UBASH3B: variants seen among roughly 807,000 people sequenced by gnomAD.
UBASH3B encodes ubiquitin-associated and SH3 domain-containing protein B.
Under a neutral mutation model 83.4 loss-of-function variants are expected in UBASH3B, and 37 were observed. The observed-to-expected ratio is 0.44, with a 90% CI of 0.34 to 0.58. UBASH3B has a LOEUF of 0.58. Ranked by LOEUF, UBASH3B falls within the 20% of genes least tolerant of loss-of-function variation. UBASH3B has a pLI of 0.01. For synonymous variants in UBASH3B, 304 were observed against 318.3 expected (o/e 0.96, Z 0.48); for missense variants, 657 against 827.2 (o/e 0.79, Z 2.52).
intron 1 of UBASH3B, among the ~76,000 whole-genome samples, chr11:122,682,509 A>G (rs1196351927): frequency 6.6e-6 from 1 of 152,116 alleles, no homozygotes; most frequent in East Asian, 1.9e-4. Context: ...CCGAGTTTGT[A>G]TCTTTCCCTG....
At chr11:122,665,142 G>A (rs1310062068) in intron 1 of UBASH3B, among the ~76,000 whole-genome samples, 2 of 152,148 alleles carry the variant, frequency 1.3e-5, no homozygotes, top group African/African-American at 4.8e-5. Flanking sequence ...TCCTGACCTA[G>A]GCCTGCCTTT....
chr11:122,729,156 A>G (rs1416534913), intron 1 of UBASH3B, among the ~76,000 whole-genome samples: 2 of 152,214 alleles, frequency 1.3e-5, no homozygotes, highest in Non-Finnish European at 2.9e-5. Context: ...GAGGCTCTGG[A>G]CAGTGGCTCT....
chr11:122,752,500 G>A (rs1310287782), intron 1 of UBASH3B, among the ~76,000 whole-genome samples: 1 of 152,186 alleles, frequency 6.6e-6, no homozygotes, highest in Admixed American at 6.5e-5. Context: ...CAGGAATAAG[G>A]CTTCTCGCCT....
intron 1 of UBASH3B, among the ~76,000 whole-genome samples, chr11:122,658,530 A>T (rs563291783): frequency 6.6e-6 from 1 of 152,264 alleles, no homozygotes; most frequent in South Asian, 2.1e-4. Context: ...TTATATCTTT[A>T]TTACCCATTT....
At chr11:122,736,716 A>G (rs1002057376) in intron 1 of UBASH3B, among the ~76,000 whole-genome samples, 1 of 152,052 alleles carries the variant, frequency 6.6e-6, no homozygotes, top group Non-Finnish European at 1.5e-5. Flanking sequence ...ATGCTGGGAA[A>G]GAAATGCAGG....
chr11:122,771,660 A>C (rs1860646011), intron 1 of UBASH3B, among the ~76,000 whole-genome samples: 1 of 151,580 alleles, frequency 6.6e-6, no homozygotes, highest in Admixed American at 6.6e-5. Flanking sequence ...GTGGGCCAAC[A>C]AAAATACCAA....
chr11:122,713,153 C>G (rs1320399244), intron 1 of UBASH3B, among the ~76,000 whole-genome samples: 1 of 151,904 alleles, frequency 6.6e-6, no homozygotes, highest in Non-Finnish European at 1.5e-5. Context: ...GTGATCCGCC[C>G]ACTTCGGCCT....
chr11:122,738,299 A>G (rs1860967290), intron 1 of UBASH3B, among the ~76,000 whole-genome samples: 1 of 152,230 alleles, frequency 6.6e-6, no homozygotes, highest in South Asian at 2.1e-4. Context: ...ATGAATAACT[A>G]TTAGGGACTT....
chr11:122,683,043 G>C (rs1167199004), intron 1 of UBASH3B, among the ~76,000 whole-genome samples: 1 of 151,898 alleles, frequency 6.6e-6, no homozygotes, highest in African/African-American at 2.4e-5. Flanking sequence ...CCCAGGAGTT[G>C]GTCTTGCGGC....
chr11:122,773,338 G>C (rs1370887481), intron 1 of UBASH3B, among the ~76,000 whole-genome samples: 1 of 152,212 alleles, frequency 6.6e-6, no homozygotes, highest in Non-Finnish European at 1.5e-5. Context: ...AGCCCAAATC[G>C]ATGCCAGCCT....
intron 1 of UBASH3B, among the ~76,000 whole-genome samples, chr11:122,664,151 C>G (rs868026435): frequency 6.6e-6 from 1 of 152,158 alleles, no homozygotes; most frequent in East Asian, 1.9e-4. Flanking sequence ...GCATTCTGCT[C>G]TCTGTGCTTC....
rs1030421683 is a variant in UBASH3B at position 122,759,033 on chromosome 11, A to G, written c.162-17186A>G. ...GTTTCTGTAGGTCAGGAGCCCAGGC[A>G]TGGCTTGACTGGGTTCTCTGCTCAG... On this transcript the variant is annotated intron_variant, in intron 1 of 13. Coordinates refer to ENST00000284273, the MANE Select transcript of UBASH3B (RefSeq NM_032873.5). This position sits in a 1 kb window ranked among gnomAD's most constrained non-coding sequence, Gnocchi z 4.1. 1.3e-5 allele frequency among the ~76,000 whole-genome samples: 2 copies of G among 152,218 alleles called. No homozygotes were observed. Among genetic ancestry groups the G allele is most frequent in the African/African-American group, 4.8e-5 (2 of 41,462 alleles).
At chr11:122,690,197 T>TCC (rs1326877376) in intron 1 of UBASH3B, among the ~76,000 whole-genome samples, 11 of 25,642 alleles carry the variant, frequency 4.3e-4, no homozygotes, top group East Asian at 2.9e-3. Context: ...TATATATATA[T>TCC]ATATATATAT....
intron 1 of UBASH3B, among the ~76,000 whole-genome samples, chr11:122,666,052 G>T (rs1414533223): frequency 6.6e-6 from 1 of 152,224 alleles, no homozygotes; most frequent in African/African-American, 2.4e-5. Flanking sequence ...GAAGCTGAAA[G>T]AACCACCGCT....
chr11:122,785,254 G>A (rs755420919), intron 5 of UBASH3B, among the ~76,000 whole-genome samples: 4 of 152,130 alleles, frequency 2.6e-5, no homozygotes, highest in African/African-American at 4.8e-5. Context: ...ATTACCGTTC[G>A]TTCTGATAAA....
chr11:122,787,442 C>T (rs889048807), intron 5 of UBASH3B, among the ~76,000 whole-genome samples: 8 of 152,164 alleles, frequency 5.3e-5, no homozygotes, highest in Admixed American at 2.0e-4. Flanking sequence ...AAAGGAAAAT[C>T]GGAAATGCAG....
chr11:122,722,126 A>G (rs1860649248), intron 1 of UBASH3B, among the ~76,000 whole-genome samples: 1 of 152,242 alleles, frequency 6.6e-6, no homozygotes, highest in South Asian at 2.1e-4. Context: ...AGCTTCCTGC[A>G]GTAGACAAGT....
chr11:122,682,889 A>T (rs1304209238), intron 1 of UBASH3B, among the ~76,000 whole-genome samples: 1 of 152,240 alleles, frequency 6.6e-6, no homozygotes, highest in African/African-American at 2.4e-5. Flanking sequence ...GCGTCAAGCA[A>T]TTCATCCTTG....
intron 1 of UBASH3B, among the ~76,000 whole-genome samples, chr11:122,697,114 A>C: frequency 6.6e-6 from 1 of 152,298 alleles, no homozygotes; most frequent in East Asian, 1.9e-4. Context: ...TTGGGGGGGA[A>C]GTTTGAAGTT....
Sources: gnomAD v4.1 joint callset for allele counts (sites outside exome capture counted in the v4.1 genomes callset) on GRCh38, gnomAD v4.1.1 for gene constraint, Gnocchi (gnomAD v3.1) non-coding constraint, MANE v1.5 for transcripts, NCBI Gene and HGNC (gene_info 2026-07-23, HGNC 2026-07-21) for gene names.